Variants in REXO5 observed in about 807,000 individuals in gnomAD.
REXO5 encodes exonuclease NEF-sp.
In REXO5, 48 loss-of-function variants were observed where a neutral mutation model predicts 88.5. The observed-to-expected ratio is 0.54, with a 90% confidence interval of 0.43 to 0.69. The LOEUF is 0.69. REXO5 is among the 30% of genes least tolerant of loss of function. REXO5 has a pLI of 0.00. For synonymous variants in REXO5, 311 were observed against 336.5 expected (o/e 0.92, Z 0.83); for missense variants, 749 against 912.2 (o/e 0.82, Z 2.30).
rs2081272015 is a variant in REXO5, at chr16:20,827,161, G to A, written c.925G>A (p.Gly309Ser). The change falls in exon 9 of 20, where the codon GGC becomes AGC. Residue 309 changes from glycine to serine, a missense_variant. Coordinates refer to ENST00000261377, the MANE Select transcript of REXO5 (RefSeq NM_030941.3). ...GCTTCCTCCTGATGCTGTGTTAGTGGGCCACTCCTTAGATTTGGATCTCAG... is the reference window on the plus strand; with the variant it reads ...GCTTCCTCCTGATGCTGTGTTAGTGAGCCACTCCTTAGATTTGGATCTCAG... ...ALLPPDAVLVGHSLDLDLRAL... is the reference protein window; with the variant it reads ...ALLPPDAVLVSHSLDLDLRAL... 1 of 1,613,772 alleles carries A rather than the reference G, an allele frequency of 6.2e-7. No individual in the cohort carries two copies. Among genetic ancestry groups the A allele is most frequent in the South Asian group, 1.1e-5 (1 of 91,078 alleles).
At chr16:20,807,772 A>T (rs530365974) in intron 2 of REXO5, among the ~76,000 whole-genome samples, 1 of 151,852 alleles carries the variant, frequency 6.6e-6, no homozygotes, top group Admixed American at 6.6e-5. Context: ...ACAAAAAAAA[A>T]ACTGCCTGTA....
At chr16:20,838,545 C>G (rs775221616) in intron 13 of REXO5, among the ~76,000 whole-genome samples, 14 of 152,140 alleles carry the variant, frequency 9.2e-5, no homozygotes, top group South Asian at 2.1e-4. Flanking sequence ...TTCATGACCT[C>G]CCAAACCTGT....
chr16:20,821,120 C>T (rs771047806), intron 5 of REXO5: 1 of 152,152 alleles, frequency 6.6e-6, no homozygotes, highest in South Asian at 2.1e-4. Context: ...AAGGGAGAGA[C>T]AGGCACTGTA....
intron 8 of REXO5, among the ~76,000 whole-genome samples, chr16:20,826,516 C>T: frequency 6.6e-6 from 1 of 152,156 alleles, no homozygotes; most frequent in Non-Finnish European, 1.5e-5. Flanking sequence ...GACAGAGAGG[C>T]AATGATAGTG....
intron 5 of REXO5, among the ~76,000 whole-genome samples, chr16:20,820,533 TATATATATATA>T (rs1328615505): frequency 3.5e-3 from 50 of 14,104 alleles, no homozygotes; most frequent in South Asian, 8.7e-3. Flanking sequence ...TATATATATA[TATATATATATA>T]TTTTTTTTTT....
At chr16:20,806,452 C>G, upstream of REXO5, 1 of 1,552,562 alleles carries the variant, frequency 6.4e-7, no homozygotes, top group African/African-American at 1.4e-5. Context: ...CTTGCTTTTC[C>G]AAGTCCAGCT....
At position 20,842,482 on chromosome 16, in the gene REXO5, G is replaced by GTTT. The variant is rs34872779; in HGVS notation, c.1627-1440_1627-1438dup. Reference sequence around the variant, plus strand: ...CTTGTTTCTACCCTTTGTTTTGTTTGTTTTTTTTTTTTTTGAGATAGGGTC... The same window carrying GTTT: ...CTTGTTTCTACCCTTTGTTTTGTTTGTTTTTTTTTTTTTTTTTGAGATAGGGTC... On this transcript the variant is annotated intron_variant, in intron 15 of 19. Transcript: ENST00000261377. 1.6e-3 allele frequency among the ~76,000 whole-genome samples: 227 copies of GTTT among 140,334 alleles called. 5 individuals are homozygous for GTTT. The highest frequency in any genetic ancestry group is 5.6e-3 in the African/African-American group (213 of 38,118). The allele number at this position is 140,334 out of a possible 152,430, so 92.1% of individuals were successfully genotyped here. A position where few individuals can be genotyped will look rare whatever the true frequency, so the allele number is the denominator to read the frequency against.
At chr16:20,821,508 A>G (rs576819926) in intron 5 of REXO5, among the ~76,000 whole-genome samples, 4 of 152,052 alleles carry the variant, frequency 2.6e-5, no homozygotes, top group African/African-American at 9.6e-5. Context: ...GCCAGGATGG[A>G]TGGTCTCGAT....
intron 5 of REXO5, among the ~76,000 whole-genome samples, chr16:20,818,238 A>C (rs2081111591): frequency 6.6e-6 from 1 of 151,974 alleles, no homozygotes; most frequent in African/African-American, 2.4e-5. Context: ...TTACGTATTT[A>C]TTTGTTTATT....
At chr16:20,817,648 A>G (rs914470522) in intron 5 of REXO5, among the ~76,000 whole-genome samples, 2 of 152,192 alleles carry the variant, frequency 1.3e-5, no homozygotes, top group African/African-American at 4.8e-5. Context: ...GGAGCCAGAG[A>G]GGTTAGGGCA....
intron 7 of REXO5, among the ~76,000 whole-genome samples, chr16:20,825,266 A>G (rs2081243442): frequency 1.3e-5 from 2 of 152,212 alleles, no homozygotes; most frequent in Admixed American, 1.3e-4. Context: ...CTCAGTACTC[A>G]GGAAACAGTT....
chr16:20,814,494 G>A (rs754292051), intron 3 of REXO5, among the ~76,000 whole-genome samples: 4 of 152,058 alleles, frequency 2.6e-5, no homozygotes, highest in Middle Eastern at 3.4e-3. Flanking sequence ...CACCTGCCTC[G>A]GCCTCCCAAA....
intron 7 of REXO5, 74 bp from the exon 8 acceptor site, chr16:20,825,759 T>A (rs1369027315): frequency 9.6e-7 from 1 of 1,041,960 alleles, no homozygotes. Context: ...AGATGGCAGT[T>A]GACATAGTGT....
At chr16:20,809,759 A>G (rs1470882684) in intron 2 of REXO5, among the ~76,000 whole-genome samples, 1 of 152,170 alleles carries the variant, frequency 6.6e-6, no homozygotes, top group Non-Finnish European at 1.5e-5. Flanking sequence ...TTGAGACAGG[A>G]TCTTGCTATA....
In REXO5 at chr16:20,821,851, A is replaced by G; in HGVS notation, c.565A>G (p.Arg189Gly). ...KYGSKKVGLT[R>G]CLLTKEEMRT... ...TGGCTCTAAGAAAGTGGGCTTGACC[A>G]GATGCCTTCTGACAAAGGAGGAAAT... Residue 189 changes from arginine to glycine, a missense_variant, in exon 6 of 20, where the codon AGA (arginine) becomes GGA (glycine). Arg to Gly is a moderately radical substitution (Grantham distance 125). Transcript: ENST00000261377. 6.2e-7 allele frequency: 1 copy of G among 1,606,490 alleles called. No homozygotes were observed. The highest frequency in any genetic ancestry group is 1.1e-5 in the South Asian group (1 of 89,638).
Position 20,844,744 on chromosome 16 carries a change from A to C in REXO5, c.1835A>C (p.Lys612Thr), listed in dbSNP as rs775241673. 9 of 1,614,228 alleles carry C rather than the reference A, an allele frequency of 5.6e-6. No individual in the cohort carries two copies. In the South Asian group the frequency reaches 6.6e-5, roughly 12 times the overall value. ...IYLSGVSETF[K>T]EQLLQEPRLF... ...CTGTCTGGAGTGAGTGAAACCTTCAAAGAACAGCTATTGCAGGAGCCCCGC... is the reference window on the plus strand; with the variant it reads ...CTGTCTGGAGTGAGTGAAACCTTCACAGAACAGCTATTGCAGGAGCCCCGC... Residue 612 changes from lysine to threonine, a missense_variant, in exon 17 of 20, where the codon AAA becomes ACA. Transcript: ENST00000261377.
intron 2 of REXO5, 43 bp from the exon 3 acceptor site, chr16:20,813,147 G>A: frequency 1.5e-6 from 2 of 1,297,712 alleles, no homozygotes; most frequent in Non-Finnish European, 2.2e-6. Flanking sequence ...TGGTATTCTT[G>A]ATAACCAATA....
At chr16:20,833,787 G>A (rs1484603901) in intron 13 of REXO5, among the ~76,000 whole-genome samples, 3 of 152,106 alleles carry the variant, frequency 2.0e-5, no homozygotes, top group Non-Finnish European at 2.9e-5. Context: ...ACTTCAGAGT[G>A]TATTTCATGA....
chr16:20,820,529 TATATATATATATATA>T (rs1272029859), intron 5 of REXO5, among the ~76,000 whole-genome samples: 13 of 11,336 alleles, frequency 1.1e-3, no homozygotes, highest in South Asian at 3.1e-3. Context: ...TATATATATA[TATATATATATATATA>T]TTTTTTTTTT....
Sources: allele counts gnomAD v4.1 joint callset (sites outside exome capture counted in the v4.1 genomes callset), GRCh38; gene constraint gnomAD v4.1.1; transcripts MANE v1.5; gene names NCBI Gene and HGNC (gene_info 2026-07-23, HGNC 2026-07-21).